CFAP92: variants seen among roughly 807,000 people sequenced by gnomAD.
CFAP92 encodes cilia and flagella associated protein 92 (putative).
Under a neutral mutation model 106.3 loss-of-function variants are expected in CFAP92, and 86 were observed. The ratio of observed to expected loss-of-function variants is 0.81; its 90% CI spans 0.68 to 0.97. The LOEUF (loss-of-function observed/expected upper bound fraction) is 0.97, where lower values mean the gene tolerates loss of function less well. CFAP92 is among the 50% of genes least tolerant of loss of function. The probability of loss-of-function intolerance (pLI) is 0.00; values close to 1 mark genes in which losing one functional copy is unlikely to be tolerated. For missense variants in CFAP92, 1,204 were observed against 1,283.8 expected, an observed-to-expected ratio of 0.94 and a Z score of 0.95; for synonymous variants, 477 against 506.4, an observed-to-expected ratio of 0.94 and a Z score of 0.78.
At chr3:128,978,449 C>T (rs1943305898) in intron 4 of CFAP92, 1 of 277,360 alleles carries the variant, frequency 3.6e-6, no homozygotes, top group Non-Finnish European at 6.8e-6. Context: ...TTATTGGGGC[C>T]AGATACGGTG....
intron 10 of CFAP92, among the ~76,000 whole-genome samples, chr3:128,938,487 C>T (rs1405817873): frequency 3.3e-5 from 4 of 122,920 alleles, no homozygotes; most frequent in Non-Finnish European, 6.6e-5. Flanking sequence ...GTGCCTTCAC[C>T]ATTCTTTTTT....
chr3:128,992,035 A>C (rs988638814), intron 2 of CFAP92: 1 of 221,688 alleles, frequency 4.5e-6, no homozygotes, highest in Non-Finnish European at 7.6e-6. Flanking sequence ...TTCTAGAACA[A>C]GAAGGGGTCT....
At chr3:128,938,789 T>G (rs534662695) in intron 10 of CFAP92, among the ~76,000 whole-genome samples, 39 of 151,836 alleles carry the variant, frequency 2.6e-4, no homozygotes, top group Admixed American at 9.2e-4. Flanking sequence ...ACCTTCACCA[T>G]TCTTATATAA....
intron 9 of CFAP92, among the ~76,000 whole-genome samples, chr3:128,960,209 A>T (rs1174794703): frequency 6.6e-6 from 1 of 152,252 alleles, no homozygotes; most frequent in East Asian, 1.9e-4. Context: ...TGTTGCTCAC[A>T]CAAAGCCTGT....
At chr3:128,916,796 G>C (rs975840408) in intron 12 of CFAP92, among the ~76,000 whole-genome samples, 1 of 152,144 alleles carries the variant, frequency 6.6e-6, no homozygotes, top group African/African-American at 2.4e-5. Flanking sequence ...TGTGGAAGGA[G>C]ATAAAAGACA....
chr3:128,978,198 A>T lies in CFAP92; in HGVS notation c.668-13T>A, dbSNP rs779185229. On this transcript the variant is annotated splice_polypyrimidine_tract_variant and intron_variant, in intron 4 of 15. Transcript: ENST00000645291. ...AAATGTCTCACTTCTAGAATGCAGGAGAAGAAAGGATCATTGACTCAATCA... is the reference window on the plus strand; with the variant it reads ...AAATGTCTCACTTCTAGAATGCAGGTGAAGAAAGGATCATTGACTCAATCA... The T allele has an allele frequency of 1.2e-6, 2 of 1,609,496 alleles. No individual in the cohort carries two copies. The highest frequency in any genetic ancestry group is 2.2e-5 in the South Asian group (2 of 90,452).
intron 9 of CFAP92, among the ~76,000 whole-genome samples, chr3:128,952,318 G>T (rs150702771): frequency 4.6e-5 from 7 of 151,882 alleles, no homozygotes; most frequent in Non-Finnish European, 8.8e-5. Flanking sequence ...ATTAAGAAGG[G>T]ATCACACTGT....
the CFAP92 span, among the ~76,000 whole-genome samples, chr3:129,024,222 G>C: frequency 6.6e-6 from 1 of 152,038 alleles, no homozygotes; most frequent in Non-Finnish European, 1.5e-5. Context: ...CCACAGACTG[G>C]GTAATTTATA....
chr3:128,918,383 G>A (rs1936992344), intron 12 of CFAP92, among the ~76,000 whole-genome samples: 1 of 152,198 alleles, frequency 6.6e-6, no homozygotes, highest in East Asian at 1.9e-4. Context: ...TGAGGCAGGA[G>A]AATCGCTTGA....
At chr3:128,990,285 T>A (rs1944131972) in intron 2 of CFAP92, among the ~76,000 whole-genome samples, 3 of 152,204 alleles carry the variant, frequency 2.0e-5, no homozygotes, top group Admixed American at 6.5e-5. Context: ...TGATCTGAGG[T>A]CAGGAGTTCC....
At chr3:128,946,183 G>A (rs1462610203) in intron 9 of CFAP92, among the ~76,000 whole-genome samples, 4 of 152,032 alleles carry the variant, frequency 2.6e-5, no homozygotes, top group South Asian at 2.1e-4. Flanking sequence ...CCAGGATGGC[G>A]ACTGGCATGA....
At chr3:128,929,297 T>C (rs1323716440) in intron 12 of CFAP92, among the ~76,000 whole-genome samples, 1 of 152,162 alleles carries the variant, frequency 6.6e-6, no homozygotes, top group Non-Finnish European at 1.5e-5. Flanking sequence ...ACTAGAACCC[T>C]CATGCATTGC....
rs758543059 is a variant in CFAP92, at chr3:128,977,035, G to A, written c.840C>T (p.Ser280=). ...GSHQAEPETS[S]KNSEEYEKSL... ...ACTTCTCATATTCCTCACTGTTCTTGGAAGAAGTTTCGGGCTCTGCTTGGT... is the reference window on the plus strand; with the variant it reads ...ACTTCTCATATTCCTCACTGTTCTTAGAAGAAGTTTCGGGCTCTGCTTGGT... The change falls in exon 6 of 16, where the codon TCC becomes TCT. Residue 280 remains serine (S), a synonymous_variant. Transcript: ENST00000645291. 1.9e-6 allele frequency: 3 copies of A among 1,613,820 alleles called. No homozygotes were observed. In the South Asian group the frequency reaches 3.3e-5, roughly 18 times the overall value.
chr3:128,925,395 T>C (rs1250104878), intron 12 of CFAP92, among the ~76,000 whole-genome samples: 2 of 152,194 alleles, frequency 1.3e-5, no homozygotes, highest in African/African-American at 4.8e-5. Context: ...TCACCTCCTG[T>C]TGTGCCACCC....
At chr3:128,999,350 G>A (rs185044703) in intron 1 of CFAP92, among the ~76,000 whole-genome samples, 1 of 152,236 alleles carries the variant, frequency 6.6e-6, no homozygotes, top group East Asian at 1.9e-4. Context: ...CTGTAGGGGA[G>A]TGGAGGCCGG....
At chr3:128,921,353 G>C (rs1411800502) in intron 12 of CFAP92, among the ~76,000 whole-genome samples, 1 of 152,240 alleles carries the variant, frequency 6.6e-6, no homozygotes, top group Non-Finnish European at 1.5e-5. Flanking sequence ...GGCACAAAGT[G>C]AAAGCAAACA....
At chr3:128,975,511 GATGGATGAATGA>G (rs1030967303) in intron 7 of CFAP92, among the ~76,000 whole-genome samples, 1 of 151,884 alleles carries the variant, frequency 6.6e-6, no homozygotes, top group Non-Finnish European at 1.5e-5. Flanking sequence ...AATGGATGGG[GATGGATGAATGA>G]ATGGATGGAT....
At chr3:128,932,627 A>G (rs1938523497) in intron 12 of CFAP92, 73 bp downstream of exon 12, 10 of 1,400,742 alleles carry the variant, frequency 7.1e-6, no homozygotes, top group Non-Finnish European at 8.6e-6. Context: ...AATATGCCCT[A>G]TGCCTCTCAG....
intron 9 of CFAP92, among the ~76,000 whole-genome samples, chr3:128,963,128 A>G (rs986445637): frequency 2.6e-5 from 4 of 152,106 alleles, no homozygotes; most frequent in African/African-American, 9.7e-5. Flanking sequence ...TCTGTTACCT[A>G]TCTTGGCATA....
Sources: gnomAD v4.1 joint callset for allele counts (sites outside exome capture counted in the v4.1 genomes callset) on GRCh38, gnomAD v4.1.1 for gene constraint, MANE v1.5 for transcripts, NCBI Gene and HGNC (gene_info 2026-07-23, HGNC 2026-07-21) for gene names.